Variants in CFAP65 observed in about 807,000 individuals in gnomAD.
CFAP65 encodes cilia- and flagella-associated protein 65.
CFAP65 carries 155 observed loss-of-function variants against 208.0 expected under a neutral mutation model. That is an observed-to-expected ratio of 0.75 (90% CI 0.65 to 0.85). The LOEUF is 0.85. CFAP65 is among the 40% of genes least tolerant of loss of function. The pLI is 0.00. For synonymous variants in CFAP65, 970 were observed against 986.3 expected, an observed-to-expected ratio of 0.98 and a Z score of 0.31; for missense variants, 2,294 against 2,451.3, an observed-to-expected ratio of 0.94 and a Z score of 1.36.
intron 8 of CFAP65, 53 bp from the exon 9 acceptor site, chr2:219,030,887 C>T: frequency 1.9e-6 from 3 of 1,580,526 alleles, no homozygotes; most frequent in Middle Eastern, 1.7e-4. Context: ...CTCTGTGGCC[C>T]CAGCTGAACA....
intron 11 of CFAP65, 94 bp downstream of exon 11, chr2:219,029,309 A>C: frequency 1.4e-6 from 2 of 1,479,326 alleles, no homozygotes; most frequent in Non-Finnish European, 1.8e-6. Flanking sequence ...TAGAAGTTCC[A>C]GAATACAGGG....
chr2:219,007,775 G>A (rs1165674006), intron 29 of CFAP65, among the ~76,000 whole-genome samples: 1 of 151,960 alleles, frequency 6.6e-6, no homozygotes, highest in African/African-American at 2.4e-5. Context: ...ACGTCACAAA[G>A]CAGATATCTC....
At chr2:219,041,518 C>T (rs2106291207), upstream of CFAP65, 1 of 1,550,592 alleles carries the variant, frequency 6.4e-7, no homozygotes, top group Non-Finnish European at 8.7e-7. Flanking sequence ...TCCATAGATA[C>T]AGGACGCGCA....
intron 14 of CFAP65, 95 bp from the exon 15 acceptor site, chr2:219,024,355 C>T (rs1947477324): frequency 6.8e-7 from 1 of 1,467,178 alleles, no homozygotes; most frequent in East Asian, 2.3e-5. Flanking sequence ...GGAGCTGTCT[C>T]CAAGTAGATC....
At chr2:219,023,680 T>C (rs2106185992) in intron 15 of CFAP65, among the ~76,000 whole-genome samples, 1 of 152,356 alleles carries the variant, frequency 6.6e-6, no homozygotes, top group East Asian at 1.9e-4. Flanking sequence ...GGGCCAGACA[T>C]GGGCCCACCA....
intron 13 of CFAP65, chr2:219,027,297 G>A (rs1279238457): frequency 7.0e-7 from 1 of 1,428,960 alleles, no homozygotes; most frequent in African/African-American, 1.4e-5. Context: ...AGCTCCTTTA[G>A]AGTGACCACT....
In CFAP65 at chr2:219,010,572, G is replaced by A. The variant is rs371416254; in HGVS notation, c.4282C>T (p.His1428Tyr). 11 of 1,611,352 alleles carry A rather than the reference G, an allele frequency of 6.8e-6. No homozygotes were observed. The highest frequency in any genetic ancestry group is 9.3e-6 in the Non-Finnish European group (11 of 1,179,654). Reference protein sequence around the residue: ...NISSWDNSSIHSRLVVPGQNV... With the variant: ...NISSWDNSSIYSRLVVPGQNV... ...TGTCCAGGCACCACCAGCCTAGAGT[G>A]TATGGAACTGTTGTCCCACGAGGAG... is the stretch of plus-strand genomic sequence containing the variant. The change falls in exon 26 of 35, where the codon CAC becomes TAC. Residue 1428 changes from histidine (H) to tyrosine (Y), a missense_variant. His to Tyr is a moderately conservative substitution (Grantham distance 83). Coordinates refer to ENST00000341552, the MANE Select transcript of CFAP65 (RefSeq NM_194302.4).
chr2:219,038,039 C>T (rs1948464722), intron 4 of CFAP65, among the ~76,000 whole-genome samples: 1 of 152,212 alleles, frequency 6.6e-6, no homozygotes, highest in Non-Finnish European at 1.5e-5. Context: ...CTCCCTGGCA[C>T]TCTCCTACCC....
chr2:219,016,588 C>G (rs541637664), intron 21 of CFAP65, among the ~76,000 whole-genome samples: 1 of 152,174 alleles, frequency 6.6e-6, no homozygotes. Context: ...AGCCACCAGG[C>G]CTGGCCCAGT....
chr2:219,026,893 CAA>C (rs1559146945), intron 13 of CFAP65: 1 of 986,726 alleles, frequency 1.0e-6, no homozygotes, highest in African/African-American at 1.7e-5. Flanking sequence ...CGGGGGCAAC[CAA>C]AGCCTCCACT....
chr2:219,033,353 A>G (rs1948167871), intron 5 of CFAP65, among the ~76,000 whole-genome samples: 1 of 152,096 alleles, frequency 6.6e-6, no homozygotes, highest in Non-Finnish European at 1.5e-5. Flanking sequence ...GTGCATGCCT[A>G]CAGTCCCAGC....
intron 29 of CFAP65, among the ~76,000 whole-genome samples, chr2:219,007,064 G>C (rs906410753): frequency 2.0e-5 from 3 of 152,128 alleles, no homozygotes; most frequent in African/African-American, 7.2e-5. Context: ...GAGCTTTGTG[G>C]TTCAGTGAGA....
chr2:219,014,052 A>G lies in CFAP65; in HGVS notation c.3603-8T>C. 6.2e-7 allele frequency: 1 copy of G among 1,603,302 alleles called. No individual in the cohort carries two copies. The highest frequency in any genetic ancestry group is 8.5e-7 in the Non-Finnish European group (1 of 1,173,760). On this transcript the variant is annotated splice_polypyrimidine_tract_variant and splice_region_variant and intron_variant, in intron 21 of 34. Coordinates refer to ENST00000341552, the MANE Select transcript of CFAP65 (RefSeq NM_194302.4). ...CTTGGAAGGAGGAAGGCCCTGGGAG[A>G]GGGGTGCAAAGCCATACAAAGAAAC...
rs571253070 is a variant in CFAP65 at position 219,022,047 on chromosome 2, C to T, written c.2980-117G>A. 45 of 1,528,714 alleles carry T rather than the reference C, an allele frequency of 2.9e-5. No individual in the cohort carries two copies. In the African/African-American group the frequency reaches 5.1e-4, roughly 17 times the overall value. 94.7% of individuals were successfully genotyped at this position (1,528,714 alleles called of 1,614,324 possible). On this transcript the variant is annotated intron_variant, in intron 17 of 34. Coordinates refer to ENST00000341552, the MANE Select transcript of CFAP65 (RefSeq NM_194302.4). ...AAGGGCAAGTTTGGGGTATCCGGGG[C>T]AGAGGGCTCCTATCCTCTGCCCTCT...
rs762267520 is a variant in CFAP65 at position 219,027,826 on chromosome 2, G to C, written c.2035C>G (p.His679Asp). 1.9e-6 allele frequency: 3 copies of C among 1,605,076 alleles called. No individual in the cohort carries two copies. The highest frequency in any genetic ancestry group is 1.3e-5 in the African/African-American group (1 of 74,816). Residue 679 changes from histidine (H) to aspartate (D), a missense_variant, in exon 13 of 35, where the codon CAC becomes GAC. His to Asp is a moderately conservative substitution (Grantham distance 81). Coordinates refer to ENST00000341552, the MANE Select transcript of CFAP65 (RefSeq NM_194302.4). Reference protein sequence around the residue: ...PNPVPLCLMNHTKGKIMVVWT... With the variant: ...PNPVPLCLMNDTKGKIMVVWT... ...ACCACCATGATCTTGCCCTTGGTGT[G>C]GTTCATCAGGCACAGGGGTACAGGG...
chr2:219,024,372 G>T, intron 14 of CFAP65, 112 bp from the exon 15 acceptor site: 1 of 1,349,616 alleles, frequency 7.4e-7, no homozygotes. Context: ...GATCAGAGGT[G>T]CTGCCCTGCA....
At chr2:219,029,775 C>T (rs1214039616) in intron 10 of CFAP65, 107 bp from the exon 11 acceptor site, 3 of 1,380,250 alleles carry the variant, frequency 2.2e-6, no homozygotes, top group Non-Finnish European at 2.0e-6. Context: ...AGAGCCCTGG[C>T]AGCCTGAGCA....
chr2:219,028,186 G>C lies in CFAP65; in HGVS notation c.1851+15C>G, dbSNP rs1208975742. On this transcript the variant is annotated intron_variant, in intron 12 of 34. Coordinates refer to ENST00000341552, the MANE Select transcript of CFAP65 (RefSeq NM_194302.4). ...TCACTAGAGAAGGGATATGCAGCTG[G>C]GGAGGGCACTGTACCTGGATGGGAA... The C allele has an allele frequency of 1.9e-6, 3 of 1,612,638 alleles. No homozygotes were observed. Among genetic ancestry groups the C allele is most frequent in the Non-Finnish European group, 2.5e-6 (3 of 1,178,942 alleles).
Position 219,002,983 on chromosome 2 carries a change from G to A in CFAP65, c.5732C>T (p.Ala1911Val), listed in dbSNP as rs1250093927. The change falls in exon 35 of 35, where the codon GCA becomes GTA. Residue 1911 changes from alanine to valine, a missense_variant. Physicochemically the swap from Ala to Val is moderately conservative, Grantham distance 64 (BLOSUM62 0). Transcript: ENST00000341552. This position sits in a 1 kb window ranked among gnomAD's most constrained non-coding sequence, Gnocchi z 7.9. ...TGGCACCACCGGGTGGAGTACCTCTGCTTGCTGCGTCGGCAGCAGCGTGTC... is the reference window on the plus strand; with the variant it reads ...TGGCACCACCGGGTGGAGTACCTCTACTTGCTGCGTCGGCAGCAGCGTGTC... ...TPDTLLPTQQ[A>V]EVLHPVVPLP... The A allele has an allele frequency of 6.4e-7, 1 of 1,565,458 alleles. No individual in the cohort carries two copies. The highest frequency in any genetic ancestry group is 1.9e-5 in the Admixed American group (1 of 51,312).
Sources: allele counts gnomAD v4.1 joint callset (sites outside exome capture counted in the v4.1 genomes callset), GRCh38; gene constraint gnomAD v4.1.1; non-coding constraint Gnocchi (gnomAD v3.1); transcripts MANE v1.5; gene names NCBI Gene and HGNC (gene_info 2026-07-23, HGNC 2026-07-21).